The following CCDC27 variants were observed in gnomAD, a reference collection of about 807,000 sequenced individuals.
The protein encoded by CCDC27 is coiled-coil domain containing 27.
Under a neutral mutation model 80.3 loss-of-function variants are expected in CCDC27, and 80 were observed. The ratio of observed to expected loss-of-function variants is 1.00; its 90% CI spans 0.83 to 1.20. The LOEUF (loss-of-function observed/expected upper bound fraction) is 1.20. CCDC27 is among the 50% of genes most tolerant of loss of function. The pLI is 0.00. For missense variants in CCDC27, 815 were observed against 809.4 expected (o/e 1.01, Z -0.08); for synonymous variants, 342 against 334.3 (o/e 1.02, Z -0.25).
At chr1:3,771,367 G>C (rs1321427610) in intron 11 of CCDC27, 34 bp from the exon 12 acceptor site, 2 of 1,613,266 alleles carry the variant, frequency 1.2e-6, no homozygotes, top group Non-Finnish European at 1.7e-6. Flanking sequence ...GAGGAACTGG[G>C]AAGGCCACCT....
At chr1:3,752,947 G>T in intron 1 of CCDC27, 148 bp downstream of exon 1, 1 of 933,994 alleles carries the variant, frequency 1.1e-6, no homozygotes, top group South Asian at 1.7e-5. Flanking sequence ...GGCAGGCAAC[G>T]AATTGAGCGC....
At chr1:3,762,327 C>T (rs1462068546) in intron 5 of CCDC27, among the ~76,000 whole-genome samples, 9 of 152,166 alleles carry the variant, frequency 5.9e-5, no homozygotes, top group Admixed American at 5.9e-4. Flanking sequence ...CAGGCAATGA[C>T]ATGCACAGTG....
Position 3,763,351 on chromosome 1 carries a change from G to T in CCDC27, c.1198G>T (p.Ala400Ser), listed in dbSNP as rs1029860444. Reference sequence around the variant, plus strand: ...GGAAGAGGAGATCCCCAGGAGAAGGGCCTCCTCCCTGGCCGAGTCGTTTGA... The same window carrying T: ...GGAAGAGGAGATCCCCAGGAGAAGGTCCTCCTCCCTGGCCGAGTCGTTTGA... ...PEEEEIPRRR[A>S]SSLAESFEEE... The change falls in exon 7 of 12, where the codon GCC becomes TCC. Residue 400 changes from alanine to serine, a missense_variant. Ala to Ser is a moderately conservative substitution (Grantham distance 99). Transcript: ENST00000294600. The surrounding 1 kb of genome is among the most constrained non-coding windows in gnomAD (Gnocchi z 7.5). 1.9e-6 allele frequency: 3 copies of T among 1,613,036 alleles called. No individual in the cohort carries two copies. The highest frequency in any genetic ancestry group is 1.1e-5 in the South Asian group (1 of 91,002).
rs1416928872 is a variant in CCDC27 at position 3,760,659 on chromosome 1, T to C, written c.712-622T>C. ...AAGCCTATCACTTACTTTCCAAACA[T>C]TTAGGGGACTTTCTAGTTATCTTTC... is the stretch of plus-strand genomic sequence containing the variant. On this transcript the variant is annotated intron_variant, in intron 4 of 11. Coordinates refer to ENST00000294600, the MANE Select transcript of CCDC27 (RefSeq NM_152492.3). The surrounding 1 kb of genome is among the most constrained non-coding windows in gnomAD (Gnocchi z 4.3). Among the ~76,000 whole-genome samples the C allele has an allele frequency of 6.6e-6, 1 of 152,198 alleles. No individual in the cohort carries two copies. The highest frequency in any genetic ancestry group is 1.5e-5 in the Non-Finnish European group (1 of 68,028).
In CCDC27 at chr1:3,760,622, T is replaced by C. The variant is rs1260590156; in HGVS notation, c.712-659T>C. ...TCCTTGTGATTTCTTTTTTGACCCATTGGCTACACAGAAGCCTATCACTTA... is the reference window on the plus strand; with the variant it reads ...TCCTTGTGATTTCTTTTTTGACCCACTGGCTACACAGAAGCCTATCACTTA... On this transcript the variant is annotated intron_variant, in intron 4 of 11. Transcript: ENST00000294600. This position sits in a 1 kb window ranked among gnomAD's most constrained non-coding sequence, Gnocchi z 4.3. Among the ~76,000 whole-genome samples the C allele has an allele frequency of 6.6e-6, 1 of 152,210 alleles. No homozygotes were observed. Among genetic ancestry groups the C allele is most frequent in the Non-Finnish European group, 1.5e-5 (1 of 68,026 alleles).
rs1643293311 is a variant in CCDC27, at chr1:3,768,867, G to A, written c.1744-916G>A. Among the ~76,000 whole-genome samples the A allele has an allele frequency of 6.6e-6, 1 of 152,152 alleles. No homozygotes were observed. Among genetic ancestry groups the A allele is most frequent in the Admixed American group, 6.5e-5 (1 of 15,284 alleles). On this transcript the variant is annotated intron_variant, in intron 10 of 11. Coordinates refer to ENST00000294600, the MANE Select transcript of CCDC27 (RefSeq NM_152492.3). The surrounding 1 kb of genome is among the most constrained non-coding windows in gnomAD (Gnocchi z 5.6). ...TGTGACCTCACGACCTCCAGCACCTGGCACGGTGTTTGTACAAAGTTGGGC... is the reference window on the plus strand; with the variant it reads ...TGTGACCTCACGACCTCCAGCACCTAGCACGGTGTTTGTACAAAGTTGGGC...
intron 4 of CCDC27, 166 bp downstream of exon 4, chr1:3,757,056 C>A: frequency 1.4e-6 from 1 of 739,198 alleles, no homozygotes; most frequent in Non-Finnish European, 2.1e-6. Flanking sequence ...TTTGACAAAG[C>A]TCCTCACCCC....
In CCDC27 at chr1:3,769,271, C is replaced by T. The variant is rs60016173; in HGVS notation, c.1744-512C>T. Reference sequence around the variant, plus strand: ...GACGAGAACGCCTTCTGGGTCTGTGCGCGGGGGCCAGGTTCAACGCTGCTG... The same window carrying T: ...GACGAGAACGCCTTCTGGGTCTGTGTGCGGGGGCCAGGTTCAACGCTGCTG... On this transcript the variant is annotated intron_variant, in intron 10 of 11. Transcript: ENST00000294600. This position sits in a 1 kb window ranked among gnomAD's most constrained non-coding sequence, Gnocchi z 4.6. Among the ~76,000 whole-genome samples the T allele has an allele frequency of 0.011, 1,730 of 152,180 alleles. 31 individuals carry two copies. Among genetic ancestry groups the T allele is most frequent in the African/African-American group, 0.04 (1,644 of 41,514 alleles).
chr1:3,756,360 AG>A (rs1642953343), intron 3 of CCDC27: 1 of 155,394 alleles, frequency 6.4e-6, no homozygotes, highest in African/African-American at 2.5e-5. Flanking sequence ...AAAAAAAAAG[AG>A]AGATGGGAAA....
intron 3 of CCDC27, chr1:3,755,801 C>A (rs1642938720): frequency 1.9e-6 from 1 of 516,624 alleles, no homozygotes; most frequent in Admixed American, 3.2e-5. Context: ...TAGTAAAAAT[C>A]GTAGTTGAAA....
rs1643092258 is a variant in CCDC27 at position 3,761,716 on chromosome 1, G to C, written c.861+286G>C. On this transcript the variant is annotated intron_variant, in intron 5 of 11. Transcript: ENST00000294600. This position sits in a 1 kb window ranked among gnomAD's most constrained non-coding sequence, Gnocchi z 5.0. The stretch of plus-strand genomic sequence containing the variant: ...ATGAGAGCCGTGAGCCGATGTCTAG[G>C]CACCTGCACCTGGCTTCTGACTTGC... 6.6e-6 allele frequency among the ~76,000 whole-genome samples: 1 copy of C among 152,184 alleles called. No individual in the cohort carries two copies. Among genetic ancestry groups the C allele is most frequent in the African/African-American group, 2.4e-5 (1 of 41,450 alleles).
At position 3,761,340 on chromosome 1, in the gene CCDC27, G is replaced by C; in HGVS notation, c.771G>C (p.Leu257=). The change falls in exon 5 of 12, where the codon CTG becomes CTC. Residue 257 remains leucine (L), a synonymous_variant. Coordinates refer to ENST00000294600, the MANE Select transcript of CCDC27 (RefSeq NM_152492.3). This position sits in a 1 kb window ranked among gnomAD's most constrained non-coding sequence, Gnocchi z 5.0. ...AGAAGAAAGACGAGGAGATCCTGCT[G>C]CTCCAGGAGGAGAGGGAGGCCCTGA... The part of the protein sequence containing the change: ...QVQKKDEEIL[L]LQEEREALKM... 1 of 1,614,174 alleles carries C rather than the reference G, an allele frequency of 6.2e-7. No homozygotes were observed. The highest frequency in any genetic ancestry group is 8.5e-7 in the Non-Finnish European group (1 of 1,180,036).
At chr1:3,752,914 T>TGG (rs1398910711) in intron 1 of CCDC27, 115 bp downstream of exon 1, 1 of 1,203,882 alleles carries the variant, frequency 8.3e-7, no homozygotes, top group Non-Finnish European at 1.2e-6. Flanking sequence ...CTTCTGGTGA[T>TGG]GGGTTACCAA....
chr1:3,753,276 G>A (rs1367188673), intron 1 of CCDC27, among the ~76,000 whole-genome samples: 1 of 151,866 alleles, frequency 6.6e-6, no homozygotes, highest in Admixed American at 6.6e-5. Flanking sequence ...CTGGGTGAAT[G>A]CATTGCCTGG....
chr1:3,764,493 C>T (rs1478846799), intron 8 of CCDC27, among the ~76,000 whole-genome samples: 1 of 152,084 alleles, frequency 6.6e-6, no homozygotes, highest in Non-Finnish European at 1.5e-5. Context: ...TTGCCACCGC[C>T]CCCCAACACA....
In CCDC27 at chr1:3,763,187, G is replaced by A. The variant is rs753817639; in HGVS notation, c.1034G>A (p.Gly345Glu). Residue 345 changes from glycine to glutamate, a missense_variant, in exon 7 of 12, where the codon GGG becomes GAG. Coordinates refer to ENST00000294600, the MANE Select transcript of CCDC27 (RefSeq NM_152492.3). This position sits in a 1 kb window ranked among gnomAD's most constrained non-coding sequence, Gnocchi z 7.5. ...GGCGAGGAGGACGAGGGCCTGGAAG[G>A]GGAGCCCGATGGGGTGGAGGACACG... ...GGGEEDEGLE[G>E]EPDGVEDTGA... The A allele has an allele frequency of 7.3e-6, 11 of 1,513,268 alleles. No individual in the cohort carries two copies. Among genetic ancestry groups the A allele is most frequent in the Non-Finnish European group, 9.8e-6 (11 of 1,127,780 alleles). The allele number at this position is 1,513,268 out of a possible 1,614,324, so 93.7% of individuals were successfully genotyped here.
rs1643300563 is a variant in CCDC27, at chr1:3,769,170, T to G, written c.1744-613T>G. 6.6e-6 allele frequency among the ~76,000 whole-genome samples: 1 copy of G among 152,106 alleles called. No individual in the cohort carries two copies. Reference sequence around the variant, plus strand: ...TGGAGGGGTTTCCTCTGCAGCTTCCTGGGAGGCACGATTAGCTACCTCTGG... The same window carrying G: ...TGGAGGGGTTTCCTCTGCAGCTTCCGGGGAGGCACGATTAGCTACCTCTGG... On this transcript the variant is annotated intron_variant, in intron 10 of 11. Transcript: ENST00000294600. This position sits in a 1 kb window ranked among gnomAD's most constrained non-coding sequence, Gnocchi z 4.6.
In CCDC27 at chr1:3,769,786, G is replaced by A. The variant is rs143085428; in HGVS notation, c.1747G>A (p.Glu583Lys). 141 of 1,613,294 alleles carry A rather than the reference G, an allele frequency of 8.7e-5. 1 individual carries two copies. Among genetic ancestry groups the A allele is most frequent in the Admixed American group, 7.7e-4 (46 of 60,016 alleles). The change falls in exon 11 of 12, where the codon GAG (glutamate) becomes AAG (lysine). Residue 583 changes from glutamate (E) to lysine (K), a missense_variant. Coordinates refer to ENST00000294600, the MANE Select transcript of CCDC27 (RefSeq NM_152492.3). The surrounding 1 kb of genome is among the most constrained non-coding windows in gnomAD (Gnocchi z 4.6). The part of the protein sequence containing the change: ...VALESSQSRL[E>K]RLRNKIIQAT... ...AGTGTTGTCCCTTTGCTCACAGCTC[G>A]AGAGGTTAAGGAATAAGATCATCCA...
intron 4 of CCDC27, among the ~76,000 whole-genome samples, chr1:3,758,663 C>T (rs1643017910): frequency 6.6e-6 from 1 of 152,158 alleles, no homozygotes; most frequent in African/African-American, 2.4e-5. Flanking sequence ...GGAGTGATCC[C>T]AGCTCCCTGC....
Sources: gnomAD v4.1 joint callset for allele counts (sites outside exome capture counted in the v4.1 genomes callset) on GRCh38, gnomAD v4.1.1 for gene constraint, Gnocchi (gnomAD v3.1) non-coding constraint, MANE v1.5 for transcripts, NCBI Gene and HGNC (gene_info 2026-07-23, HGNC 2026-07-21) for gene names.